Variants in LAX1 observed in about 807,000 individuals in gnomAD.
The protein encoded by LAX1 is lymphocyte transmembrane adapter 1.
A neutral mutation model predicts 20.7 loss-of-function variants in LAX1; 17 were observed. That is an observed-to-expected ratio of 0.82 (90% CI 0.56 to 1.23). The LOEUF (loss-of-function observed/expected upper bound fraction) is 1.23. Among genes scored for constraint, LAX1 ranks in the 50% most tolerant of loss-of-function variants. The probability of loss-of-function intolerance (pLI) is 0.00; values close to 1 mark genes in which losing one functional copy is unlikely to be tolerated. For synonymous variants in LAX1, 165 were observed against 181.0 expected (o/e 0.91, Z 0.71); for missense variants, 470 against 487.0 (o/e 0.97, Z 0.33).
chr1:203,771,269 A>T, intron 2 of LAX1, 98 bp from the exon 3 acceptor site: 1 of 825,518 alleles, frequency 1.2e-6, no homozygotes, highest in Non-Finnish European at 2.1e-6. Context: ...ACTGGCAAGG[A>T]TGGGGAGCAT....
In LAX1 at chr1:203,765,462, T is replaced by C; in HGVS notation, c.-104T>C. 1 of 1,564,750 alleles carries C rather than the reference T, an allele frequency of 6.4e-7. No individual in the cohort carries two copies. The highest frequency in any genetic ancestry group is 1.9e-5 in the Admixed American group (1 of 52,472). On this transcript the variant is annotated 5_prime_UTR_variant, in exon 1 of 5. Transcript: ENST00000442561. ...AGAGGTAGACACGAGATAGGGAGTT[T>C]GTTGCGGGGGTGGGGAGAAGTGGTA...
At position 203,773,878 on chromosome 1, in the gene LAX1, T is replaced by A; in HGVS notation, c.394T>A (p.Ser132Thr). ...RNSESPEHVP[S>T]QAGNAFQEHT... ...GGCTTCCTTTTCTTCTTCATAGCCCTCCCAAGCAGGCAATGCCTTCCAGGA... is the reference window on the plus strand; with the variant it reads ...GGCTTCCTTTTCTTCTTCATAGCCCACCCAAGCAGGCAATGCCTTCCAGGA... The change falls in exon 5 of 5, where the codon TCC becomes ACC. Residue 132 changes from serine (S) to threonine (T), a missense_variant. Coordinates refer to ENST00000442561, the MANE Select transcript of LAX1 (RefSeq NM_017773.4). The A allele has an allele frequency of 4.7e-6, 7 of 1,485,398 alleles. No homozygotes were observed. The highest frequency in any genetic ancestry group is 6.4e-6 in the Non-Finnish European group (7 of 1,098,720). The allele number at this position is 1,485,398 out of a possible 1,614,324, so 92.0% of individuals were successfully genotyped here. A position where few individuals can be genotyped will look rare whatever the true frequency, so the allele number is the denominator to read the frequency against.
Position 203,775,084 on chromosome 1 carries a change from G to T in LAX1, c.*403G>T. The stretch of plus-strand genomic sequence containing the variant: ...GGAAGGAAGAAGTTGGAGTGGAGTG[G>T]GGTGGGCAATTTCCATTTTAAAGAG... On this transcript the variant is annotated 3_prime_UTR_variant, in exon 5 of 5. Transcript: ENST00000442561. 1 of 184,958 alleles carries T rather than the reference G, an allele frequency of 5.4e-6. No homozygotes were observed. Among genetic ancestry groups the T allele is most frequent in the South Asian group, 1.2e-4 (1 of 8,142 alleles). 11.5% of individuals were successfully genotyped at this position (184,958 alleles called of 1,614,324 possible).
chr1:203,769,569 C>T (rs973351779), intron 1 of LAX1: 5 of 152,028 alleles, frequency 3.3e-5, no homozygotes, highest in East Asian at 1.9e-4. Flanking sequence ...TCCTGATTCC[C>T]GCTGTAACTT....
At chr1:203,768,678 G>A (rs757392672) in intron 1 of LAX1, among the ~76,000 whole-genome samples, 9 of 152,182 alleles carry the variant, frequency 5.9e-5, no homozygotes, top group South Asian at 2.1e-4. Flanking sequence ...ACTCGAAGCC[G>A]GGGAGAGTGA....
At chr1:203,769,397 A>AAAAAG (rs1321971035) in intron 1 of LAX1, among the ~76,000 whole-genome samples, 7 of 76,760 alleles carry the variant, frequency 9.1e-5, no homozygotes, top group African/African-American at 3.2e-4. Flanking sequence ...GTCTCAAAAA[A>AAAAAG]AAAGAAAGAA....
At position 203,774,143 on chromosome 1, in the gene LAX1, C is replaced by T; in HGVS notation, c.659C>T (p.Pro220Leu). The T allele has an allele frequency of 1.2e-6, 2 of 1,614,166 alleles. No individual in the cohort carries two copies. The highest frequency in any genetic ancestry group is 8.5e-7 in the Non-Finnish European group (1 of 1,180,048). ...KSPSRNLFVLPSTQKLEFTEE... is the reference protein window; with the variant it reads ...KSPSRNLFVLLSTQKLEFTEE... ...CCTTCCAGAAATCTCTTTGTTCTTC[C>T]CAGTACCCAGAAGCTGGAGTTTACT... Residue 220 changes from proline to leucine, a missense_variant, in exon 5 of 5, where the codon CCC becomes CTC. Transcript: ENST00000442561.
At chr1:203,769,847 C>T (rs2102265530) in intron 1 of LAX1, among the ~76,000 whole-genome samples, 1 of 151,956 alleles carries the variant, frequency 6.6e-6, no homozygotes, top group Non-Finnish European at 1.5e-5. Context: ...AGAGCCACTC[C>T]TTAACTGTAC....
At position 203,765,355 on chromosome 1, in the gene LAX1, T is replaced by C. The variant is rs776753032; in HGVS notation, c.-211T>C. ...GCACCATGTCCGGATGAGATCGCAC[T>C]TCCTGCAGTGGGCATTAGCCACGTC... On this transcript the variant is annotated 5_prime_UTR_variant, in exon 1 of 5. Coordinates refer to ENST00000442561, the MANE Select transcript of LAX1 (RefSeq NM_017773.4). The C allele has an allele frequency of 1.1e-4, 169 of 1,551,638 alleles. 1 individual carries two copies. Among genetic ancestry groups the C allele is most frequent in the Non-Finnish European group, 1.7e-5 (19 of 1,147,010 alleles).
intron 4 of LAX1, among the ~76,000 whole-genome samples, chr1:203,773,221 T>C (rs988349861): frequency 2.6e-5 from 4 of 152,126 alleles, no homozygotes; most frequent in African/African-American, 9.7e-5. Context: ...TTTGATCAAA[T>C]GAGGTTGTTA....
At chr1:203,772,577 G>T (rs569684415) in intron 4 of LAX1, among the ~76,000 whole-genome samples, 1 of 151,928 alleles carries the variant, frequency 6.6e-6, no homozygotes, top group African/African-American at 2.4e-5. Context: ...ACAGGCATGC[G>T]CCACCACGCC....
intron 1 of LAX1, 23 bp from the exon 2 acceptor site, chr1:203,770,805 A>G (rs200086959): frequency 4.4e-6 from 7 of 1,576,048 alleles, no homozygotes; most frequent in Non-Finnish European, 5.2e-6. Context: ...CAGCTAGCAC[A>G]TGTCATTCGA....
chr1:203,770,258 A>G (rs751834608), intron 1 of LAX1, among the ~76,000 whole-genome samples: 1 of 151,582 alleles, frequency 6.6e-6, no homozygotes, highest in Non-Finnish European at 1.5e-5. Flanking sequence ...TCTATTAAAA[A>G]TACAAAAATT....
rs1231267911 is a variant in LAX1, at chr1:203,771,493, T to C, written c.310+16T>C. The C allele has an allele frequency of 4.9e-6, 7 of 1,421,880 alleles. No homozygotes were observed. Among genetic ancestry groups the C allele is most frequent in the Non-Finnish European group, 4.0e-6 (4 of 1,004,636 alleles). 88.1% of individuals were successfully genotyped at this position (1,421,880 alleles called of 1,614,324 possible). A position where few individuals can be genotyped will look rare whatever the true frequency, so the allele number is the denominator to read the frequency against. On this transcript the variant is annotated intron_variant, in intron 3 of 4. Coordinates refer to ENST00000442561, the MANE Select transcript of LAX1 (RefSeq NM_017773.4). The stretch of plus-strand genomic sequence containing the variant: ...GAAGACCTGGGTAGGTTTTTCCTTC[T>C]AATCTATGGAGTCCAGATATTCGAA...
chr1:203,769,335 T>C (rs1429788600), intron 1 of LAX1, among the ~76,000 whole-genome samples: 1 of 148,546 alleles, frequency 6.7e-6, no homozygotes, highest in African/African-American at 2.5e-5. Flanking sequence ...GAGGTTGCAG[T>C]GAGCCAAGAT....
chr1:203,770,961 T>G, intron 2 of LAX1, 24 bp downstream of exon 2: 1 of 1,519,332 alleles, frequency 6.6e-7, no homozygotes, highest in Non-Finnish European at 9.1e-7. Context: ...TTGTCCTGAG[T>G]TGAGACACAG....
chr1:203,772,069 G>A lies in LAX1; in HGVS notation c.312G>A (p.Gly104=), dbSNP rs866354541. The A allele has an allele frequency of 1.9e-6, 3 of 1,613,124 alleles. No homozygotes were observed. Among genetic ancestry groups the A allele is most frequent in the Non-Finnish European group, 2.5e-6 (3 of 1,179,188 alleles). The change falls in exon 4 of 5, where the codon GGG becomes GGA. Residue 104 remains glycine (G), a splice_region_variant and synonymous_variant. Transcript: ENST00000442561. ...DILPWRQEDL[G]RHESRSMRIF... is the part of the protein sequence containing the mutation. ...AGGATTTGTTCTCTGTCCTTTCAGG[G>A]AGACATGAGTCGAGGAGTATGCGCA...
chr1:203,765,378 G>T lies in LAX1; in HGVS notation c.-188G>T. 3.2e-6 allele frequency: 5 copies of T among 1,551,774 alleles called. No individual in the cohort carries two copies. Among genetic ancestry groups the T allele is most frequent in the Non-Finnish European group, 4.4e-6 (5 of 1,147,024 alleles). On this transcript the variant is annotated 5_prime_UTR_variant, in exon 1 of 5. Coordinates refer to ENST00000442561, the MANE Select transcript of LAX1 (RefSeq NM_017773.4). Reference sequence around the variant, plus strand: ...ACTTCCTGCAGTGGGCATTAGCCACGTCCAGGTAGAACCAAACCTGTTGCT... The same window carrying T: ...ACTTCCTGCAGTGGGCATTAGCCACTTCCAGGTAGAACCAAACCTGTTGCT...
chr1:203,765,231 T>C lies in LAX1; in HGVS notation c.-335T>C. The C allele has an allele frequency of 2.1e-6, 2 of 939,616 alleles. No homozygotes were observed. The highest frequency in any genetic ancestry group is 3.3e-6 in the Non-Finnish European group (2 of 600,198). 58.2% of individuals were successfully genotyped at this position (939,616 alleles called of 1,614,324 possible). ...AGACGAGCTTCTCACGGAGCCTCTC[T>C]TGAGCCTCTTGGCAGTTTCCCCCTC... is the stretch of plus-strand genomic sequence containing the variant. On this transcript the variant is annotated 5_prime_UTR_variant, in exon 1 of 5. Coordinates refer to ENST00000442561, the MANE Select transcript of LAX1 (RefSeq NM_017773.4).
Sources: allele counts gnomAD v4.1 joint callset (sites outside exome capture counted in the v4.1 genomes callset), GRCh38; gene constraint gnomAD v4.1.1; transcripts MANE v1.5; gene names NCBI Gene and HGNC (gene_info 2026-07-23, HGNC 2026-07-21).